ADAM10: variants seen among roughly 807,000 people sequenced by gnomAD.
ADAM10 encodes the protein ADAM metallopeptidase domain 10.
A neutral mutation model predicts 90.1 loss-of-function variants in ADAM10; 17 were observed. The observed-to-expected ratio is 0.19, with a 90% CI of 0.13 to 0.28. The LOEUF is 0.28. ADAM10 is among the 10% of genes least tolerant of loss of function. ADAM10 has a pLI of 1.00. For missense variants in ADAM10, 610 were observed against 914.3 expected (o/e 0.67, Z 4.29); for synonymous variants, 310 against 298.6 (o/e 1.04, Z -0.40).
chr15:58,633,424 C>G, intron 8 of ADAM10, 65 bp from the exon 9 acceptor site: 1 of 1,323,628 alleles, frequency 7.6e-7, no homozygotes, highest in Non-Finnish European at 1.1e-6. Flanking sequence ...AAAGGTAATA[C>G]ATGCTATATT....
intron 2 of ADAM10, among the ~76,000 whole-genome samples, chr15:58,712,977 C>T (rs777770874): frequency 6.6e-6 from 1 of 152,176 alleles, no homozygotes; most frequent in Non-Finnish European, 1.5e-5. Context: ...CTGCATCCCA[C>T]AATATGACAA....
chr15:58,709,416 T>C (rs1158064761), intron 2 of ADAM10, among the ~76,000 whole-genome samples: 1 of 152,160 alleles, frequency 6.6e-6, no homozygotes. Context: ...ACTGTCTAGG[T>C]CACCAACTCT....
chr15:58,668,319 T>A (rs1221397032), intron 4 of ADAM10, among the ~76,000 whole-genome samples: 1 of 152,170 alleles, frequency 6.6e-6, no homozygotes, highest in Non-Finnish European at 1.5e-5. Context: ...CAACTGACAC[T>A]TGGAATGAAA....
chr15:58,713,994 CG>C (rs1436318790), intron 2 of ADAM10, among the ~76,000 whole-genome samples: 1 of 151,798 alleles, frequency 6.6e-6, no homozygotes, highest in Non-Finnish European at 1.5e-5. Flanking sequence ...TTAGTAGAGA[CG>C]GGGTTACACC....
In ADAM10 at chr15:58,689,371, A is replaced by T. The variant is rs539204050; in HGVS notation, c.207-7057T>A. Among the ~76,000 whole-genome samples the T allele has an allele frequency of 2.9e-4, 44 of 152,308 alleles. No homozygotes were observed. The East Asian group carries it at 7.7e-3, about 27-fold the overall frequency. ...CATGGTGGTGTGCATCTGTAGTCCC[A>T]GCTACTCAGTAGGATGAGGCAGGAG... is the stretch of plus-strand genomic sequence containing the variant. On this transcript the variant is annotated intron_variant, in intron 2 of 15. Coordinates refer to ENST00000260408, the MANE Select transcript of ADAM10 (RefSeq NM_001110.4).
intron 1 of ADAM10, among the ~76,000 whole-genome samples, chr15:58,728,507 G>T (rs537989457): frequency 1.3e-5 from 2 of 151,716 alleles, no homozygotes; most frequent in African/African-American, 4.8e-5. Context: ...ATTTTGGGAG[G>T]CCAAAGAAGA....
At chr15:58,639,206 T>C (rs1351793717) in intron 8 of ADAM10, among the ~76,000 whole-genome samples, 1 of 152,170 alleles carries the variant, frequency 6.6e-6, no homozygotes, top group East Asian at 1.9e-4. Flanking sequence ...TTTGAGAACT[T>C]GTTCAAACTA....
intron 10 of ADAM10, among the ~76,000 whole-genome samples, chr15:58,625,418 ATTAGCCACCAGAGAAAT>A (rs1895908271): frequency 6.6e-6 from 1 of 152,240 alleles, no homozygotes; most frequent in African/African-American, 2.4e-5. Flanking sequence ...GTTCAGCATC[ATTAGCCACCAGAGAAAT>A]GCAAATTAAA....
intron 1 of ADAM10, chr15:58,748,601 C>G (rs1030123180): frequency 1.1e-4 from 27 of 242,816 alleles, no homozygotes; most frequent in Admixed American, 5.6e-5. Flanking sequence ...TGACAATCCA[C>G]TAACTACACT....
chr15:58,619,247 CAT>C (rs1336472702), intron 11 of ADAM10, among the ~76,000 whole-genome samples: 1 of 152,112 alleles, frequency 6.6e-6, no homozygotes, highest in Non-Finnish European at 1.5e-5. Context: ...ACAAACAGCA[CAT>C]GTTGTTACTC....
intron 5 of ADAM10, among the ~76,000 whole-genome samples, chr15:58,656,034 G>A (rs1596035239): frequency 2.0e-5 from 3 of 151,898 alleles, no homozygotes; most frequent in African/African-American, 7.2e-5. Flanking sequence ...GGCGTGAGCT[G>A]CCAGGCCCAG....
In ADAM10 at chr15:58,596,610, C is replaced by G. The variant is rs1417714483; in HGVS notation, c.*937G>C. ...ATGAAAAACACAAATAAGTAGGCTA[C>G]AAATAAAAAGAATCATTTCATTGAC... On this transcript the variant is annotated 3_prime_UTR_variant, in exon 16 of 16. Transcript: ENST00000260408. 1 of 152,466 alleles carries G rather than the reference C, an allele frequency of 6.6e-6. No individual in the cohort carries two copies. Among genetic ancestry groups the G allele is most frequent in the Non-Finnish European group, 1.5e-5 (1 of 67,990 alleles). 9.4% of individuals were successfully genotyped at this position (152,466 alleles called of 1,614,324 possible).
chr15:58,647,246 GTATTT>G (rs1337645704), intron 5 of ADAM10, among the ~76,000 whole-genome samples: 3 of 36,828 alleles, frequency 8.1e-5, no homozygotes, highest in African/African-American at 2.2e-4. Context: ...TAGACACTAA[GTATTT>G]TTTTTTTTTT....
rs1234044451 is a variant in ADAM10, at chr15:58,589,418, T to C, written c.*8129A>G. ...GCTTTTCTCCTCTGGGAAGTCATCTTGGCTCTTCCCACTACCTACCTACCA... is the reference window on the plus strand; with the variant it reads ...GCTTTTCTCCTCTGGGAAGTCATCTCGGCTCTTCCCACTACCTACCTACCA... On this transcript the variant is annotated 3_prime_UTR_variant, in exon 16 of 16. Transcript: ENST00000260408. 6.6e-6 allele frequency: 1 copy of C among 152,252 alleles called. No homozygotes were observed. The highest frequency in any genetic ancestry group is 1.5e-5 in the Non-Finnish European group (1 of 68,076). 9.4% of individuals were successfully genotyped at this position (152,252 alleles called of 1,614,324 possible). A position where few individuals can be genotyped will look rare whatever the true frequency, so the allele number is the denominator to read the frequency against.
At chr15:58,617,645 T>C (rs1479579422) in intron 11 of ADAM10, among the ~76,000 whole-genome samples, 1 of 152,058 alleles carries the variant, frequency 6.6e-6, no homozygotes, top group East Asian at 1.9e-4. Flanking sequence ...CAGCATAATC[T>C]TATATATATA....
intron 1 of ADAM10, among the ~76,000 whole-genome samples, chr15:58,742,646 A>G (rs1337478133): frequency 1.3e-5 from 2 of 152,218 alleles, no homozygotes; most frequent in Non-Finnish European, 2.9e-5. Context: ...CAGCAACGTC[A>G]CTGCCCTTAC....
At chr15:58,696,786 A>G (rs1897991888) in intron 2 of ADAM10, among the ~76,000 whole-genome samples, 3 of 152,092 alleles carry the variant, frequency 2.0e-5, no homozygotes, top group Admixed American at 2.0e-4. Flanking sequence ...CATAATAAGA[A>G]AATCATCTCA....
intron 8 of ADAM10, among the ~76,000 whole-genome samples, chr15:58,637,678 G>C (rs1490860029): frequency 1.3e-5 from 2 of 151,898 alleles, no homozygotes; most frequent in African/African-American, 2.4e-5. Context: ...CAAAGAAAAG[G>C]CTAAGATGTT....
intron 2 of ADAM10, among the ~76,000 whole-genome samples, chr15:58,694,163 A>C (rs141629592): frequency 5.6e-4 from 86 of 152,280 alleles, no homozygotes; most frequent in African/African-American, 2.0e-3. Flanking sequence ...AACATATAAA[A>C]ACCAGGCCAG....
Sources: gnomAD v4.1 joint callset for allele counts (sites outside exome capture counted in the v4.1 genomes callset) on GRCh38, gnomAD v4.1.1 for gene constraint, MANE v1.5 for transcripts, NCBI Gene and HGNC (gene_info 2026-07-23, HGNC 2026-07-21) for gene names.